Variants in MALRD1 observed in about 807,000 individuals in gnomAD.
The protein encoded by MALRD1 is MAM and LDL receptor class A domain containing 1.
Under a neutral mutation model 242.1 loss-of-function variants are expected in MALRD1, and 247 were observed. The ratio of observed to expected loss-of-function variants is 1.02; its 90% CI spans 0.92 to 1.13. The LOEUF (loss-of-function observed/expected upper bound fraction) is 1.13. Ranked by LOEUF, MALRD1 falls within the 50% of genes most tolerant of loss-of-function variation. MALRD1 has a pLI of 0.00. For synonymous variants in MALRD1, 995 were observed against 866.6 expected, an observed-to-expected ratio of 1.15 and a Z score of -2.60; for missense variants, 2,989 against 2,533.1, an observed-to-expected ratio of 1.18 and a Z score of -3.86.
At chr10:19,344,497 T>G (rs1844021613) in intron 24 of MALRD1, among the ~76,000 whole-genome samples, 1 of 152,090 alleles carries the variant, frequency 6.6e-6, no homozygotes, top group South Asian at 2.1e-4. Flanking sequence ...TTCTGTTCTA[T>G]TGATCTAGGT....
intron 26 of MALRD1, among the ~76,000 whole-genome samples, chr10:19,354,934 GA>G (rs1450018557): frequency 1.3e-5 from 2 of 152,102 alleles, no homozygotes; most frequent in Non-Finnish European, 2.9e-5. Flanking sequence ...AAAGTAAGCA[GA>G]AAAACGTTTA....
chr10:19,718,113 A>AGAGGAAGAAGAG (rs796320552), intron 38 of MALRD1, among the ~76,000 whole-genome samples: 3,191 of 149,590 alleles, frequency 0.021, 114 homozygotes, highest in African/African-American at 0.075. Flanking sequence ...AAGAGGAAGA[A>AGAGGAAGAAGAG]GAAGAAGAAG....
At chr10:19,211,322 A>G (rs1837051801) in intron 18 of MALRD1, among the ~76,000 whole-genome samples, 1 of 152,108 alleles carries the variant, frequency 6.6e-6, no homozygotes, top group Non-Finnish European at 1.5e-5. Flanking sequence ...TTTAGTCTAA[A>G]AAAATAATAA....
intron 30 of MALRD1, chr10:19,493,448 G>A (rs1002152452): frequency 1.3e-5 from 2 of 151,888 alleles, no homozygotes; most frequent in Non-Finnish European, 2.9e-5. Flanking sequence ...TTCTTTCATA[G>A]TATGTACATT....
intron 28 of MALRD1, among the ~76,000 whole-genome samples, chr10:19,407,220 A>G (rs111903469): frequency 0.015 from 2,219 of 152,286 alleles, 61 homozygotes; most frequent in African/African-American, 0.051. Flanking sequence ...CTGTAATCCC[A>G]GCATTTTGGG....
chr10:19,117,682 T>C (rs1185343115), intron 5 of MALRD1, among the ~76,000 whole-genome samples: 2 of 152,222 alleles, frequency 1.3e-5, no homozygotes, highest in Non-Finnish European at 2.9e-5. Context: ...TCAGTGCATC[T>C]TACATTCAAG....
At chr10:19,330,957 A>G (rs1843335727) in intron 23 of MALRD1, among the ~76,000 whole-genome samples, 1 of 152,188 alleles carries the variant, frequency 6.6e-6, no homozygotes, top group Non-Finnish European at 1.5e-5. Flanking sequence ...AGCAAAATAA[A>G]GAATCTACTT....
chr10:19,531,240 AGGATCC>A lies in MALRD1; in HGVS notation c.5369_5374del (p.Gly1790_Ser1791del). ...ACGTCAACTCATCTGGCTCCAAGGA[AGGATCC>A]GTTGCCAGAATTACTACTTCCAAAT... is the stretch of plus-strand genomic sequence containing the variant. On this transcript the variant is annotated inframe_deletion, in exon 32 of 40. Transcript: ENST00000454679. The A allele has an allele frequency of 6.4e-7, 1 of 1,550,446 alleles. No homozygotes were observed. The highest frequency in any genetic ancestry group is 8.7e-7 in the Non-Finnish European group (1 of 1,146,884).
At chr10:19,631,820 A>C (rs1269454169) in intron 36 of MALRD1, among the ~76,000 whole-genome samples, 1 of 152,052 alleles carries the variant, frequency 6.6e-6, no homozygotes, top group African/African-American at 2.4e-5. Context: ...TCATTTGCCC[A>C]CTTCTTAGTG....
intron 32 of MALRD1, among the ~76,000 whole-genome samples, chr10:19,532,603 T>C (rs1834469276): frequency 6.6e-6 from 1 of 152,176 alleles, no homozygotes; most frequent in South Asian, 2.1e-4. Context: ...AGATTCTCTG[T>C]GGTCAACCAA....
chr10:19,578,900 C>G (rs886162161), intron 33 of MALRD1, among the ~76,000 whole-genome samples: 1 of 152,050 alleles, frequency 6.6e-6, no homozygotes, highest in Non-Finnish European at 1.5e-5. Flanking sequence ...CCATCCAGTT[C>G]TGACCAACAA....
At chr10:19,067,640 G>A (rs1451297790) in intron 2 of MALRD1, among the ~76,000 whole-genome samples, 1 of 152,060 alleles carries the variant, frequency 6.6e-6, no homozygotes, top group East Asian at 1.9e-4. Context: ...TATTACACAT[G>A]CAGATTAGAC....
intron 18 of MALRD1, among the ~76,000 whole-genome samples, chr10:19,212,372 C>T (rs1837109358): frequency 6.6e-6 from 1 of 151,954 alleles, no homozygotes; most frequent in Non-Finnish European, 1.5e-5. Context: ...ATGTTTTTTT[C>T]TCTGCATGTT....
At chr10:19,561,800 A>C (rs1049003234) in intron 32 of MALRD1, among the ~76,000 whole-genome samples, 6 of 151,708 alleles carry the variant, frequency 4.0e-5, no homozygotes, top group Non-Finnish European at 7.4e-5. Context: ...CCCCATGGAG[A>C]ACTAGAGGGG....
intron 29 of MALRD1, chr10:19,488,695 T>G (rs950985566): frequency 1.0e-5 from 2 of 195,998 alleles, no homozygotes; most frequent in African/African-American, 4.6e-5. Context: ...TCACAGAAAA[T>G]GAGACTGGAA....
At chr10:19,181,452 A>C (rs1031426114) in intron 14 of MALRD1, among the ~76,000 whole-genome samples, 1 of 152,220 alleles carries the variant, frequency 6.6e-6, no homozygotes, top group African/African-American at 2.4e-5. Context: ...TAAGCCAAAC[A>C]CAAGAAGGAA....
chr10:19,281,420 C>A (rs754369163), intron 20 of MALRD1, among the ~76,000 whole-genome samples: 11 of 152,070 alleles, frequency 7.2e-5, no homozygotes, highest in Admixed American at 5.9e-4. Context: ...TTCAACTTTG[C>A]CGTTTTAGTG....
chr10:19,571,934 A>G (rs1053954081), intron 33 of MALRD1, among the ~76,000 whole-genome samples: 5 of 152,202 alleles, frequency 3.3e-5, no homozygotes, highest in African/African-American at 1.2e-4. Flanking sequence ...CCTACGATGA[A>G]AAATGGCAAA....
chr10:19,306,935 C>A (rs1036856902), intron 21 of MALRD1, among the ~76,000 whole-genome samples: 1 of 151,344 alleles, frequency 6.6e-6, no homozygotes, highest in Non-Finnish European at 1.5e-5. Context: ...AGGTCCCTCC[C>A]AAAGCATGTG....
Sources: allele counts gnomAD v4.1 joint callset (sites outside exome capture counted in the v4.1 genomes callset), GRCh38; gene constraint gnomAD v4.1.1; transcripts MANE v1.5; gene names NCBI Gene and HGNC (gene_info 2026-07-23, HGNC 2026-07-21).